NUP210: variants seen among roughly 807,000 people sequenced by gnomAD.
NUP210 encodes nuclear pore membrane glycoprotein 210.
Under a neutral mutation model 196.0 loss-of-function variants are expected in NUP210, and 151 were observed. That is an observed-to-expected ratio of 0.77 (90% CI 0.67 to 0.88). The LOEUF (loss-of-function observed/expected upper bound fraction) is 0.88, where lower values mean the gene tolerates loss of function less well. NUP210 is among the 40% of genes least tolerant of loss of function. The pLI is 0.00. For synonymous variants in NUP210, 1,070 were observed against 1,052.7 expected, an observed-to-expected ratio of 1.02 and a Z score of -0.32; for missense variants, 2,314 against 2,493.7, an observed-to-expected ratio of 0.93 and a Z score of 1.53.
At chr3:13,387,891 C>G (rs1699328542) in intron 5 of NUP210, among the ~76,000 whole-genome samples, 1 of 152,084 alleles carries the variant, frequency 6.6e-6, no homozygotes, top group Non-Finnish European at 1.5e-5. Flanking sequence ...TCTCAGGGCT[C>G]CAATGGGGGC....
At position 13,343,211 on chromosome 3, in the gene NUP210, C is replaced by T. The variant is rs184918689; in HGVS notation, c.2928G>A (p.Ser976=). The change falls in exon 21 of 40, where the codon TCG becomes TCA. Residue 976 remains serine (S), a synonymous_variant. Transcript: ENST00000254508. The part of the protein sequence containing the change: ...PAPAKAVVYV[S]DIQELYIRVV... ...CACGGATGTACAGCTCCTGAATGTC[C>T]GACACGTAAACGACAGCCTTGGCTG... is the stretch of plus-strand genomic sequence containing the variant. The T allele has an allele frequency of 5.9e-5, 96 of 1,614,130 alleles. No individual in the cohort carries two copies. Among genetic ancestry groups the T allele is most frequent in the South Asian group, 2.6e-4 (24 of 91,078 alleles).
rs922857605 is a variant in NUP210, at chr3:13,350,304, C to T, written c.2835+1575G>A. Among the ~76,000 whole-genome samples, 1 of 151,972 alleles carries T rather than the reference C, an allele frequency of 6.6e-6. No homozygotes were observed. Among genetic ancestry groups the T allele is most frequent in the African/African-American group, 2.4e-5 (1 of 41,362 alleles). ...TGTTTTTGTGTCTTCAGCAAAATAA[C>T]AAGGCCAGTCACTAAAGAAGTAAAC... On this transcript the variant is annotated intron_variant, in intron 20 of 39. Transcript: ENST00000254508. The surrounding 1 kb of genome is among the most constrained non-coding windows in gnomAD (Gnocchi z 4.1).
chr3:13,355,241 G>T (rs557111145), intron 16 of NUP210, among the ~76,000 whole-genome samples: 3 of 152,202 alleles, frequency 2.0e-5, no homozygotes, highest in African/African-American at 7.2e-5. Flanking sequence ...GGGAGAGGGG[G>T]ATCCTGCAGG....
chr3:13,373,871 G>C lies in NUP210; in HGVS notation c.1434C>G (p.Ala478=), dbSNP rs958550825. Residue 478 remains alanine (A), a splice_region_variant and synonymous_variant, in exon 12 of 40, where the codon GCC becomes GCG. Transcript: ENST00000254508. ...KTGAYQYTIR[A]HGGSGNFSWS... is the part of the protein sequence containing the mutation. ...AGCTGAAGTTCCCACTGCCACCGTG[G>C]GCCTGCGGAGGAAAAGCCATCACAG... is the stretch of plus-strand genomic sequence containing the variant. The C allele has an allele frequency of 6.2e-7, 1 of 1,612,740 alleles. No homozygotes were observed. The highest frequency in any genetic ancestry group is 8.5e-7 in the Non-Finnish European group (1 of 1,179,426).
chr3:13,393,191 T>C (rs190568551), intron 3 of NUP210, among the ~76,000 whole-genome samples: 71 of 152,116 alleles, frequency 4.7e-4, no homozygotes, highest in African/African-American at 1.5e-3. Context: ...GAAGATCAAA[T>C]TGAGAAAGCA....
intron 23 of NUP210, among the ~76,000 whole-genome samples, chr3:13,341,443 G>A (rs1459695773): frequency 1.3e-5 from 2 of 152,214 alleles, no homozygotes; most frequent in Admixed American, 6.5e-5. Flanking sequence ...AGTGCTTTCT[G>A]GGAATAGTCC....
Position 13,330,531 on chromosome 3 carries a change from C to G in NUP210, c.4039G>C (p.Gly1347Arg), listed in dbSNP as rs200296480. ...GCAATCACTTCGATGGTGGATGTCCCGATCATAGACCCTGATGCTAGAAAG... is the reference window on the plus strand; with the variant it reads ...GCAATCACTTCGATGGTGGATGTCCGGATCATAGACCCTGATGCTAGAAAG... ...KGFLASGSMI[G>R]TSTIEVIAQE... Residue 1347 changes from glycine to arginine, a missense_variant, in exon 30 of 40, where the codon GGG becomes CGG. Physicochemically the swap from Gly to Arg is moderately radical, Grantham distance 125 (BLOSUM62 -2). Coordinates refer to ENST00000254508, the MANE Select transcript of NUP210 (RefSeq NM_024923.4). The G allele has an allele frequency of 1.2e-6, 2 of 1,614,238 alleles. No homozygotes were observed. The highest frequency in any genetic ancestry group is 1.7e-6 in the Non-Finnish European group (2 of 1,180,038).
intron 30 of NUP210, among the ~76,000 whole-genome samples, chr3:13,330,026 G>A (rs1696931416): frequency 6.6e-6 from 1 of 152,226 alleles, no homozygotes; most frequent in Admixed American, 6.5e-5. Context: ...TGTATGGCAG[G>A]TACTGAGCAC....
chr3:13,391,439 C>T lies in NUP210; in HGVS notation c.437-132G>A, dbSNP rs796148185. ...CCACCCACCAGGCAGGTGTCATAAACTGTATGTCAGGAGAGGAAACTGAGG... is the reference window on the plus strand; with the variant it reads ...CCACCCACCAGGCAGGTGTCATAAATTGTATGTCAGGAGAGGAAACTGAGG... On this transcript the variant is annotated intron_variant, in intron 3 of 39. Transcript: ENST00000254508. 31 of 660,434 alleles carry T rather than the reference C, an allele frequency of 4.7e-5. No homozygotes were observed. The African/African-American group carries it at 5.4e-4, about 12-fold the overall frequency. 40.9% of individuals were successfully genotyped at this position (660,434 alleles called of 1,614,324 possible). A position where few individuals can be genotyped will look rare whatever the true frequency, so the allele number is the denominator to read the frequency against.
Position 13,343,250 on chromosome 3 carries a change from G to C in NUP210, c.2889C>G (p.Leu963=), listed in dbSNP as rs779506374. 6.2e-7 allele frequency: 1 copy of C among 1,612,756 alleles called. No homozygotes were observed. Among genetic ancestry groups the C allele is most frequent in the South Asian group, 1.1e-5 (1 of 91,058 alleles). ...SSTIMIHDLC[L]VFPAPAKAVV... is the part of the protein sequence containing the mutation. ...CAGCCTTGGCTGGGGCCGGGAAGAC[G>C]AGGCACAAGTCATGGATCATGATGG... The change falls in exon 21 of 40, where the codon CTC becomes CTG. Residue 963 remains leucine, a synonymous_variant. Coordinates refer to ENST00000254508, the MANE Select transcript of NUP210 (RefSeq NM_024923.4).
chr3:13,390,198 C>T (rs1699441760), intron 4 of NUP210, among the ~76,000 whole-genome samples: 1 of 152,170 alleles, frequency 6.6e-6, no homozygotes. Context: ...GGTCGTAAAG[C>T]ACATGAAAAT....
chr3:13,322,286 G>A lies in NUP210; in HGVS notation c.4822C>T (p.Leu1608Phe). The change falls in exon 35 of 40, where the codon CTC becomes TTC. Residue 1608 changes from leucine (L) to phenylalanine (F), a missense_variant. Physicochemically the swap from Leu to Phe is conservative, Grantham distance 22. Transcript: ENST00000254508. ...EVIQALHPET[L>F]ISCQSQFKPA... ...TTGAACTGGGACTGGCAGCTGATGA[G>A]GGTCTCTGGGTGCAAGGCCTGGATG... is the stretch of plus-strand genomic sequence containing the variant. The A allele has an allele frequency of 1.2e-6, 2 of 1,614,232 alleles. No homozygotes were observed. The highest frequency in any genetic ancestry group is 1.7e-6 in the Non-Finnish European group (2 of 1,180,032).
chr3:13,388,183 G>A (rs1267471284), intron 5 of NUP210, 120 bp downstream of exon 5: 25 of 708,386 alleles, frequency 3.5e-5, no homozygotes, highest in Non-Finnish European at 5.2e-5. Flanking sequence ...TGAAATCACG[G>A]GACAGCATCT....
chr3:13,344,312 G>C (rs1223797273), intron 20 of NUP210, among the ~76,000 whole-genome samples: 3 of 152,332 alleles, frequency 2.0e-5, no homozygotes, highest in South Asian at 4.1e-4. Context: ...CATACAGCTT[G>C]TCTTACTACT....
At chr3:13,354,894 G>A (rs769896907) in intron 16 of NUP210, among the ~76,000 whole-genome samples, 6 of 152,198 alleles carry the variant, frequency 3.9e-5, no homozygotes, top group Non-Finnish European at 7.3e-5. Context: ...CTCCCCGAGC[G>A]GACTCTCCCC....
intron 6 of NUP210, among the ~76,000 whole-genome samples, chr3:13,383,341 T>A (rs578039174): frequency 6.6e-6 from 1 of 152,068 alleles, no homozygotes. Flanking sequence ...CATGACATGA[T>A]GAAAGGGAGG....
At chr3:13,339,817 G>A (rs762192828) in intron 25 of NUP210, 37 bp downstream of exon 25, 2 of 1,563,706 alleles carry the variant, frequency 1.3e-6, no homozygotes, top group African/African-American at 1.3e-5. Context: ...TTCTGTCCCA[G>A]GCACAGCTGC....
intron 32 of NUP210, 55 bp from the exon 33 acceptor site, chr3:13,325,986 A>G (rs1050764900): frequency 1.9e-6 from 3 of 1,596,948 alleles, no homozygotes; most frequent in Non-Finnish European, 2.6e-6. Flanking sequence ...ACTCCAGTCA[A>G]AGCCCAGCTC....
rs1697513059 is a variant in NUP210, at chr3:13,341,846, A to C, written c.3130T>G (p.Phe1044Val). Residue 1044 changes from phenylalanine to valine, a missense_variant, in exon 23 of 40, where the codon TTC becomes GTC. Phe to Val is a conservative substitution (Grantham distance 50, BLOSUM62 -1). Coordinates refer to ENST00000254508, the MANE Select transcript of NUP210 (RefSeq NM_024923.4). ...CCGATGGCCACACCGCGGATGAGGA[A>C]TGTGATGGTGTAGTTGTCAAGGGCT... ...DEALDNYTIT[F>V]LIRGVAIGQT... 1 of 1,614,028 alleles carries C rather than the reference A, an allele frequency of 6.2e-7. No homozygotes were observed. The highest frequency in any genetic ancestry group is 1.3e-5 in the African/African-American group (1 of 74,926).
Sources: gnomAD v4.1 joint callset for allele counts (sites outside exome capture counted in the v4.1 genomes callset) on GRCh38, gnomAD v4.1.1 for gene constraint, Gnocchi (gnomAD v3.1) non-coding constraint, MANE v1.5 for transcripts, NCBI Gene and HGNC (gene_info 2026-07-23, HGNC 2026-07-21) for gene names.